Variants in CEP192 observed in about 807,000 individuals in gnomAD.
CEP192 encodes the protein centrosomal protein of 192 kDa.
Under a neutral mutation model 271.8 loss-of-function variants are expected in CEP192, and 151 were observed. The ratio of observed to expected loss-of-function variants is 0.56; its 90% CI spans 0.49 to 0.64. The LOEUF (loss-of-function observed/expected upper bound fraction) is 0.64. Among genes scored for constraint, CEP192 ranks in the 30% least tolerant of loss-of-function variants. The pLI is 0.00. For synonymous variants in CEP192, 995 were observed against 1,076.5 expected, an observed-to-expected ratio of 0.92 and a Z score of 1.48; for missense variants, 2,910 against 3,020.5, an observed-to-expected ratio of 0.96 and a Z score of 0.86.
intron 40 of CEP192, among the ~76,000 whole-genome samples, chr18:13,109,789 C>T (rs564097653): frequency 3.3e-5 from 5 of 152,074 alleles, no homozygotes; most frequent in Middle Eastern, 6.8e-3. Flanking sequence ...TAATAATAGA[C>T]AAACCTTTGG....
intron 26 of CEP192, among the ~76,000 whole-genome samples, 169 bp downstream of exon 26, chr18:13,069,350 A>G (rs2037886650): frequency 6.6e-6 from 1 of 152,168 alleles, no homozygotes; most frequent in East Asian, 1.9e-4. Flanking sequence ...CATAAAATAT[A>G]TGCTGTGGTG....
Position 13,049,036 on chromosome 18 carries a change from A to C in CEP192, c.2245A>C (p.Thr749Pro), listed in dbSNP as rs772813762. 6.2e-7 allele frequency: 1 copy of C among 1,614,134 alleles called. No homozygotes were observed. The highest frequency in any genetic ancestry group is 8.5e-7 in the Non-Finnish European group (1 of 1,180,014). ...KALSNKTRDK[T>P]FQEDEKQKDY... is the part of the protein sequence containing the mutation. ...ACTTTCAAATAAAACCAGAGACAAGACTTTTCAGGAAGATGAGAAACAAAA... is the reference window on the plus strand; with the variant it reads ...ACTTTCAAATAAAACCAGAGACAAGCCTTTTCAGGAAGATGAGAAACAAAA... The change falls in exon 16 of 45, where the codon ACT becomes CCT. Residue 749 changes from threonine (T) to proline (P), a missense_variant. By Grantham distance (38) the Thr-to-Pro change is conservative (BLOSUM62 -1). Transcript: ENST00000506447.
At position 13,067,908 on chromosome 18, in the gene CEP192, G is replaced by T; in HGVS notation, c.4566G>T (p.Leu1522Phe). ...GCTGGAAAGCCCTCCCACTAAAATT[G>T]ATAAACCGAACGCATGCCACTGTGC... ...YGGWKALPLKLINRTHATVPI... is the reference protein window; with the variant it reads ...YGGWKALPLKFINRTHATVPI... The change falls in exon 22 of 45, where the codon TTG (leucine) becomes TTT (phenylalanine). Residue 1522 changes from leucine (L) to phenylalanine (F), a missense_variant. Coordinates refer to ENST00000506447, the MANE Select transcript of CEP192 (RefSeq NM_032142.4). 1 of 1,613,248 alleles carries T rather than the reference G, an allele frequency of 6.2e-7. No homozygotes were observed. The highest frequency in any genetic ancestry group is 1.1e-5 in the South Asian group (1 of 91,044).
At chr18:13,075,076 T>C (rs2038201287) in intron 30 of CEP192, among the ~76,000 whole-genome samples, 1 of 152,206 alleles carries the variant, frequency 6.6e-6, no homozygotes, top group African/African-American at 2.4e-5. Flanking sequence ...TACTCTGCAG[T>C]ACAACAGTGT....
intron 40 of CEP192, among the ~76,000 whole-genome samples, chr18:13,108,781 G>C (rs1157887911): frequency 2.0e-5 from 3 of 152,132 alleles, no homozygotes; most frequent in Non-Finnish European, 4.4e-5. Flanking sequence ...AGGCTGAGGT[G>C]GAAGGATCAC....
intron 30 of CEP192, among the ~76,000 whole-genome samples, chr18:13,075,522 C>T (rs950855936): frequency 5.9e-5 from 9 of 152,102 alleles, no homozygotes; most frequent in South Asian, 2.1e-4. Flanking sequence ...GCCGAGATTG[C>T]GCCACTGCAC....
chr18:13,092,936 C>T (rs544939585), intron 34 of CEP192, among the ~76,000 whole-genome samples: 19 of 152,040 alleles, frequency 1.2e-4, no homozygotes, highest in African/African-American at 4.6e-4. Context: ...AGGCGGATCA[C>T]GAGGTCAGGA....
intron 11 of CEP192, among the ~76,000 whole-genome samples, 198 bp from the exon 12 acceptor site, chr18:13,037,039 C>T (rs1441047611): frequency 6.6e-6 from 1 of 152,216 alleles, no homozygotes; most frequent in Non-Finnish European, 1.5e-5. Flanking sequence ...AAAATAACTA[C>T]AGCAAGGTGT....
At chr18:13,041,055 T>C (rs547280413) in intron 14 of CEP192, 99 bp downstream of exon 14, 1 of 936,512 alleles carries the variant, frequency 1.1e-6, no homozygotes, top group South Asian at 2.0e-5. Context: ...AGTGAAAATG[T>C]ATATAACACT....
intron 32 of CEP192, chr18:13,089,023 G>A (rs2039020518): frequency 9.6e-6 from 3 of 313,930 alleles, no homozygotes; most frequent in South Asian, 8.3e-5. Flanking sequence ...GAGTATTATA[G>A]AGAAATCTAC....
In CEP192 at chr18:13,113,613, AG is replaced by A; in HGVS notation, c.7081del (p.Asp2361IlefsTer18). 3 of 1,613,314 alleles carry A rather than the reference AG, an allele frequency of 1.9e-6. No homozygotes were observed. Among genetic ancestry groups the A allele is most frequent in the South Asian group, 1.1e-5 (1 of 90,926 alleles). On this transcript the variant is annotated frameshift_variant, in exon 41 of 45. Transcript: ENST00000506447. LOFTEE classifies it high-confidence loss of function. The stretch of plus-strand genomic sequence containing the variant: ...CTCCATCACATTTTTGCCCAGAGGT[AG>A]GGGGGATTATGCCCAGTTTTGGGAT... ...KVSITFLPRG[R>X]GDYAQFWDVE...
intron 9 of CEP192, among the ~76,000 whole-genome samples, chr18:13,024,812 CA>C (rs1402775267): frequency 1.3e-5 from 2 of 151,730 alleles, no homozygotes; most frequent in African/African-American, 4.8e-5. Context: ...CTCTGTTGCC[CA>C]GGCTCTAGTG....
intron 4 of CEP192, among the ~76,000 whole-genome samples, chr18:13,008,931 C>T (rs1271409924): frequency 3.3e-5 from 5 of 151,562 alleles, no homozygotes; most frequent in African/African-American, 9.7e-5. Context: ...TGGGCTCGAA[C>T]GCCTGGACTC....
chr18:13,113,647 G>A lies in CEP192; in HGVS notation c.7109G>A (p.Cys2370Tyr). 1 of 1,613,394 alleles carries A rather than the reference G, an allele frequency of 6.2e-7. No homozygotes were observed. Among genetic ancestry groups the A allele is most frequent in the Non-Finnish European group, 8.5e-7 (1 of 1,179,472 alleles). Residue 2370 changes from cysteine to tyrosine, a missense_variant, in exon 41 of 45, where the codon TGT becomes TAT. By Grantham distance (194) the Cys-to-Tyr change is radical. Transcript: ENST00000506447. ...GDYAQFWDVE[C>Y]HPLKEPHMKH... is the part of the protein sequence containing the mutation. ...TATGCCCAGTTTTGGGATGTTGAAT[G>A]TCACCCTCTTAAGGAGCCTCACATG... is the stretch of plus-strand genomic sequence containing the variant.
rs374468690 is a variant in CEP192 at position 13,111,457 on chromosome 18, AC to A, written c.7048-2127del. On this transcript the variant is annotated intron_variant, in intron 40 of 44. Coordinates refer to ENST00000506447, the MANE Select transcript of CEP192 (RefSeq NM_032142.4). ...ACACCTAATATTAACCATCACACTT[AC>A]CTAGTACCATATACAGAGATTCACC... Among the ~76,000 whole-genome samples the A allele has an allele frequency of 3.9e-3, 591 of 152,264 alleles. 1 individual carries two copies. The highest frequency in any genetic ancestry group is 0.013 in the African/African-American group (557 of 41,542).
At chr18:13,003,550 C>T (rs892861837) in intron 3 of CEP192, among the ~76,000 whole-genome samples, 5 of 151,648 alleles carry the variant, frequency 3.3e-5, no homozygotes, top group Non-Finnish European at 5.9e-5. Flanking sequence ...GCCAAAGGTG[C>T]GGCCAGCCTG....
rs1245712345 is a variant in CEP192 at position 13,117,988 on chromosome 18, C to CCT, written c.7475+345_7475+346insCT. ...TTCAAATGTTATTTGCACTGGTATG[C>CCT]TGAGAGTCAAGGACTTAGATTTTCA... On this transcript the variant is annotated intron_variant, in intron 44 of 44. Coordinates refer to ENST00000506447, the MANE Select transcript of CEP192 (RefSeq NM_032142.4). Among the ~76,000 whole-genome samples the CCT allele has an allele frequency of 2.6e-5, 4 of 152,298 alleles. No individual in the cohort carries two copies. In the East Asian group the frequency reaches 7.7e-4, roughly 29 times the overall value.
intron 4 of CEP192, among the ~76,000 whole-genome samples, chr18:13,010,860 A>C (rs2034304635): frequency 6.6e-6 from 1 of 151,824 alleles, no homozygotes; most frequent in East Asian, 1.9e-4. Context: ...AAGAAAAAAA[A>C]AAGTTGTACA....
chr18:13,050,476 A>G (rs903581754), intron 17 of CEP192, among the ~76,000 whole-genome samples: 2 of 152,320 alleles, frequency 1.3e-5, no homozygotes, highest in South Asian at 2.1e-4. Flanking sequence ...CTCAATGTCA[A>G]TGGAGAGCTT....
Sources: allele counts gnomAD v4.1 joint callset (sites outside exome capture counted in the v4.1 genomes callset), GRCh38; gene constraint gnomAD v4.1.1; transcripts MANE v1.5; gene names NCBI Gene and HGNC (gene_info 2026-07-23, HGNC 2026-07-21).